Variants in KIF26B observed in about 807,000 individuals in gnomAD.
The protein encoded by KIF26B is kinesin-like protein KIF26B.
Under a neutral mutation model 151.2 loss-of-function variants are expected in KIF26B, and 63 were observed. The observed-to-expected ratio is 0.42, with a 90% CI of 0.34 to 0.51. The LOEUF is 0.51. KIF26B is among the 20% of genes least tolerant of loss of function. The pLI is 0.07. For synonymous variants in KIF26B, 1,357 were observed against 1,262.1 expected (o/e 1.08, Z -1.59); for missense variants, 2,813 against 2,913.6 (o/e 0.97, Z 0.79).
In KIF26B at chr1:245,684,392, G is replaced by A. The variant is rs777135793; in HGVS notation, c.2418G>A (p.Thr806=). The part of the protein sequence containing the change: ...SRVLRMKKKK[T]KYTSSSSGGE... ...TCTTGAGGATGAAGAAAAAGAAGAC[G>A]AAGGTAAGGAGCTCGCGGGGTGGGG... is the stretch of plus-strand genomic sequence containing the variant. Residue 806 remains threonine, a synonymous_variant, in exon 11 of 15, where the codon ACG becomes ACA. Coordinates refer to ENST00000407071, the MANE Select transcript of KIF26B (RefSeq NM_018012.4). 4.4e-6 allele frequency: 7 copies of A among 1,599,674 alleles called. No homozygotes were observed. The highest frequency in any genetic ancestry group is 2.2e-5 in the South Asian group (2 of 90,154).
chr1:245,674,453 C>T (rs2044332606), intron 10 of KIF26B, among the ~76,000 whole-genome samples: 1 of 152,214 alleles, frequency 6.6e-6, no homozygotes, highest in Admixed American at 6.5e-5. Context: ...TCTGCATGCT[C>T]AGTAAGTGCA....
chr1:245,401,640 G>A (rs565263176), intron 3 of KIF26B, among the ~76,000 whole-genome samples: 3 of 152,242 alleles, frequency 2.0e-5, no homozygotes, highest in South Asian at 2.1e-4. Context: ...AGGCCGAGGC[G>A]GGCGGATTGC....
Position 245,419,559 on chromosome 1 carries a change from G to A in KIF26B, c.1000-20G>A, listed in dbSNP as rs367567216. On this transcript the variant is annotated intron_variant, in intron 3 of 14. Transcript: ENST00000407071. ...CAGTGAGCCACAGGTAATGAGCTCC[G>A]TATCCATTTTCTTTGTCAGATCTCC... The A allele has an allele frequency of 2.3e-5, 37 of 1,598,962 alleles. No individual in the cohort carries two copies. The highest frequency in any genetic ancestry group is 1.9e-4 in the South Asian group (17 of 88,958).
intron 10 of KIF26B, among the ~76,000 whole-genome samples, chr1:245,652,904 C>T (rs534376716): frequency 3.1e-4 from 47 of 152,296 alleles, no homozygotes; most frequent in African/African-American, 1.1e-3. Context: ...ATGATGGTCT[C>T]GGGGCTGGGT....
chr1:245,370,107 G>C lies in KIF26B; in HGVS notation c.999+2740G>C, dbSNP rs186200319. 2.6e-5 allele frequency among the ~76,000 whole-genome samples: 4 copies of C among 152,094 alleles called. No individual in the cohort carries two copies. In the East Asian group the frequency reaches 7.7e-4, roughly 29 times the overall value. On this transcript the variant is annotated intron_variant, in intron 3 of 14. Transcript: ENST00000407071. ...AAGTTTAAATGAGACTTTAAAAGTC[G>C]ATGTCACCCGGATATAAACTATGTA...
intron 2 of KIF26B, among the ~76,000 whole-genome samples, chr1:245,338,054 C>T (rs1263521532): frequency 6.6e-6 from 1 of 152,214 alleles, no homozygotes; most frequent in Non-Finnish European, 1.5e-5. Context: ...TTGGGGCAAA[C>T]AACTTTTTGC....
At chr1:245,253,800 C>CTTTTTT (rs5782330) in intron 2 of KIF26B, among the ~76,000 whole-genome samples, 7 of 72,172 alleles carry the variant, frequency 9.7e-5, no homozygotes, top group African/African-American at 3.1e-4. Flanking sequence ...TGAAGTCCTG[C>CTTTTTT]TTTTTTTTTT....
chr1:245,256,040 C>A (rs184019741), intron 2 of KIF26B, among the ~76,000 whole-genome samples: 2 of 152,252 alleles, frequency 1.3e-5, no homozygotes, highest in African/African-American at 4.8e-5. Flanking sequence ...TTATTGGTTT[C>A]TGCCTTTGGT....
intron 2 of KIF26B, among the ~76,000 whole-genome samples, chr1:245,180,987 CCTT>C (rs1016787586): frequency 1.3e-5 from 2 of 152,078 alleles, no homozygotes; most frequent in Non-Finnish European, 2.9e-5. Flanking sequence ...TTGTGCACCC[CCTT>C]CTTCTCTGTC....
At chr1:245,303,073 T>G (rs1360948214) in intron 2 of KIF26B, among the ~76,000 whole-genome samples, 2 of 147,934 alleles carry the variant, frequency 1.4e-5, no homozygotes, top group Non-Finnish European at 3.0e-5. Context: ...CACCGGGAAA[T>G]CTGGGTTCTG....
chr1:245,327,831 GA>G (rs2102989868), intron 2 of KIF26B, among the ~76,000 whole-genome samples: 1 of 152,318 alleles, frequency 6.6e-6, no homozygotes, highest in South Asian at 2.1e-4. Flanking sequence ...AATGGGAAAA[GA>G]GAGCGTTTAT....
rs1668430976 is a variant in KIF26B at position 245,156,325 on chromosome 1, C to T, written c.107C>T (p.Ser36Phe). 1.3e-6 allele frequency: 2 copies of T among 1,547,582 alleles called. No individual in the cohort carries two copies. The highest frequency in any genetic ancestry group is 2.5e-5 in the East Asian group (1 of 40,560). Residue 36 changes from serine (S) to phenylalanine (F), a missense_variant, in exon 2 of 15, where the codon TCC (serine) becomes TTC (phenylalanine). This residue lies in a region of KIF26B where 676 missense variants were observed against 688.1 expected (regional missense o/e 0.98). Coordinates refer to ENST00000407071, the MANE Select transcript of KIF26B (RefSeq NM_018012.4). ...CCCACCAAGCCCGCAGCGCCCTTCT[C>T]CCCGGAAAGCTGGTACCGGAAAGCA... ...CSPTKPAAPFSPESWYRKAYE... is the reference protein window; with the variant it reads ...CSPTKPAAPFFPESWYRKAYE...
intron 2 of KIF26B, among the ~76,000 whole-genome samples, chr1:245,250,214 C>T (rs7554953): frequency 0.17 from 25,711 of 151,964 alleles, 2,368 homozygotes; most frequent in African/African-American, 0.2. Context: ...CTCCTACATA[C>T]TTTTATGGGT....
chr1:245,292,356 G>C (rs1671267032), intron 2 of KIF26B, among the ~76,000 whole-genome samples: 1 of 152,136 alleles, frequency 6.6e-6, no homozygotes, highest in Non-Finnish European at 1.5e-5. Context: ...CTGCCCGGTG[G>C]TGCAACCCCC....
chr1:245,283,678 C>T (rs191575400), intron 2 of KIF26B, among the ~76,000 whole-genome samples: 1 of 147,144 alleles, frequency 6.8e-6, no homozygotes, highest in East Asian at 2.0e-4. Context: ...TTACCCTCCA[C>T]CAAGCTTGAG....
rs201153057 is a variant in KIF26B at position 245,688,114 on chromosome 1, G to A, written c.5131G>A (p.Gly1711Ser). ...GTMPRAGRSL[G>S]RSAGTSPPSS... ...CATGCCCCGCGCGGGGAGGAGCCTG[G>A]GCCGCAGCGCCGGGACCTCGCCCCC... Residue 1711 changes from glycine to serine, a missense_variant, in exon 12 of 15, where the codon GGC becomes AGC. Physicochemically the swap from Gly to Ser is moderately conservative, Grantham distance 56. Around this residue, in one of 3 missense-constraint regions of KIF26B, gnomAD observed 2,060 missense variants for 2,088.6 expected, o/e 0.99. Coordinates refer to ENST00000407071, the MANE Select transcript of KIF26B (RefSeq NM_018012.4). The A allele has an allele frequency of 4.0e-4, 627 of 1,564,810 alleles. 2 individuals carry two copies. In the African/African-American group the frequency reaches 7.5e-3, roughly 19 times the overall value.
At chr1:245,504,629 T>C (rs1414583284) in intron 4 of KIF26B, among the ~76,000 whole-genome samples, 3 of 151,954 alleles carry the variant, frequency 2.0e-5, no homozygotes, top group Middle Eastern at 3.2e-3. Flanking sequence ...TTTGTGCAGA[T>C]AGTGTCTCAC....
intron 2 of KIF26B, among the ~76,000 whole-genome samples, chr1:245,189,202 G>A (rs1467982587): frequency 6.6e-6 from 1 of 152,182 alleles, no homozygotes; most frequent in African/African-American, 2.4e-5. Context: ...AAGTTTACAT[G>A]TATTTTACCA....
chr1:245,489,168 T>G (rs183323231), intron 4 of KIF26B, among the ~76,000 whole-genome samples: 1 of 152,318 alleles, frequency 6.6e-6, no homozygotes, highest in East Asian at 1.9e-4. Flanking sequence ...ATAAATGCGC[T>G]CATCATAAAG....
Sources: gnomAD v4.1 joint callset for allele counts (sites outside exome capture counted in the v4.1 genomes callset) on GRCh38, gnomAD v4.1.1 for gene constraint, gnomAD v4.1.1 regional missense constraint, MANE v1.5 for transcripts, NCBI Gene and HGNC (gene_info 2026-07-23, HGNC 2026-07-21) for gene names.